TRPC7: variants seen among roughly 807,000 people sequenced by gnomAD.
TRPC7 encodes the protein short transient receptor potential channel 7.
Under a neutral mutation model 90.1 loss-of-function variants are expected in TRPC7, and 42 were observed. That is an observed-to-expected ratio of 0.47 (90% CI 0.36 to 0.60). The LOEUF (loss-of-function observed/expected upper bound fraction) is 0.60. Among genes scored for constraint, TRPC7 ranks in the 20% least tolerant of loss-of-function variants. The pLI, the probability that TRPC7 is intolerant of heterozygous loss-of-function variation, is 0.00. For missense variants in TRPC7, 955 were observed against 1,112.3 expected (o/e 0.86, Z 2.01); for synonymous variants, 451 against 436.3 (o/e 1.03, Z -0.42).
At chr5:136,261,301 T>C (rs1756850934) in intron 5 of TRPC7, among the ~76,000 whole-genome samples, 1 of 152,240 alleles carries the variant, frequency 6.6e-6, no homozygotes, top group South Asian at 2.1e-4. Context: ...ATGTATAATA[T>C]AGTGCCTAAT....
At chr5:136,250,987 G>A (rs1044574542) in intron 6 of TRPC7, among the ~76,000 whole-genome samples, 1 of 152,240 alleles carries the variant, frequency 6.6e-6, no homozygotes, top group South Asian at 2.1e-4. Context: ...TTAAAATAGG[G>A]ACAAAAGAAG....
At chr5:136,357,678 T>G (rs1323864223) in intron 1 of TRPC7, among the ~76,000 whole-genome samples, 1 of 152,092 alleles carries the variant, frequency 6.6e-6, no homozygotes, top group Non-Finnish European at 1.5e-5. Flanking sequence ...AGATGGAGGC[T>G]GGGGCGTAGG....
At chr5:136,227,880 C>T (rs897653727) in intron 8 of TRPC7, among the ~76,000 whole-genome samples, 6 of 152,184 alleles carry the variant, frequency 3.9e-5, no homozygotes, top group Admixed American at 6.5e-5. Flanking sequence ...ATAGATGACA[C>T]GGAACAGTGC....
chr5:136,214,611 T>C (rs1298812608), intron 11 of TRPC7, among the ~76,000 whole-genome samples: 1 of 152,174 alleles, frequency 6.6e-6, no homozygotes, highest in Non-Finnish European at 1.5e-5. Flanking sequence ...ATCAGTTACA[T>C]ACTGCTTGAG....
chr5:136,275,959 T>A (rs1757352762), intron 3 of TRPC7, among the ~76,000 whole-genome samples: 1 of 152,196 alleles, frequency 6.6e-6, no homozygotes, highest in African/African-American at 2.4e-5. Flanking sequence ...CCAGCTCCAC[T>A]CTACCCATGT....
intron 3 of TRPC7, among the ~76,000 whole-genome samples, chr5:136,282,632 T>C (rs1757582881): frequency 6.6e-6 from 1 of 152,244 alleles, no homozygotes; most frequent in East Asian, 1.9e-4. Flanking sequence ...AACCTTTGAA[T>C]TCTTAAAGTT....
At chr5:136,228,071 G>A (rs1384677123) in intron 8 of TRPC7, among the ~76,000 whole-genome samples, 1 of 152,202 alleles carries the variant, frequency 6.6e-6, no homozygotes, top group Non-Finnish European at 1.5e-5. Flanking sequence ...GGCCGATGAT[G>A]TGAACCCAGC....
At chr5:136,308,454 T>G (rs532312669) in intron 3 of TRPC7, among the ~76,000 whole-genome samples, 1 of 152,358 alleles carries the variant, frequency 6.6e-6, no homozygotes, top group South Asian at 2.1e-4. Flanking sequence ...TCTGAGCATC[T>G]GTTAAAACGA....
chr5:136,305,299 A>G (rs911749069), intron 3 of TRPC7, among the ~76,000 whole-genome samples: 31 of 152,034 alleles, frequency 2.0e-4, no homozygotes, highest in Admixed American at 9.2e-4. Flanking sequence ...TATTGATGGC[A>G]GTTCCACCAG....
chr5:136,336,806 C>T (rs796599368), intron 2 of TRPC7, among the ~76,000 whole-genome samples: 4 of 152,106 alleles, frequency 2.6e-5, no homozygotes, highest in African/African-American at 9.7e-5. Context: ...ATGATGGTTT[C>T]CAGCTACATC....
intron 5 of TRPC7, among the ~76,000 whole-genome samples, chr5:136,258,012 G>C (rs1052282200): frequency 1.3e-5 from 2 of 152,182 alleles, no homozygotes; most frequent in African/African-American, 4.8e-5. Flanking sequence ...TTGATTTGCT[G>C]TGGGTCTTAG....
rs761905876 is a variant in TRPC7 at position 136,302,321 on chromosome 5, C to T, written c.963+13276G>A. Among the ~76,000 whole-genome samples, 16 of 152,258 alleles carry T rather than the reference C, an allele frequency of 1.1e-4. No homozygotes were observed. In the Middle Eastern group the frequency reaches 0.014, roughly 129 times the overall value. ...TTCTGGGGGAGGGGAAAGTACCCCT[C>T]AATCCCTTCTTCACCCTTAGGGGCA... is the stretch of plus-strand genomic sequence containing the variant. On this transcript the variant is annotated intron_variant, in intron 3 of 11. Transcript: ENST00000513104.
intron 5 of TRPC7, among the ~76,000 whole-genome samples, chr5:136,263,408 C>T (rs981681385): frequency 2.6e-5 from 4 of 152,128 alleles, no homozygotes; most frequent in East Asian, 1.9e-4. Flanking sequence ...TGCGGAGTGC[C>T]CATCATTCAA....
chr5:136,238,954 T>G (rs1756075181), intron 7 of TRPC7, among the ~76,000 whole-genome samples: 1 of 152,182 alleles, frequency 6.6e-6, no homozygotes. Context: ...GACCTTATAT[T>G]AGACCCAAAT....
chr5:136,305,072 G>A (rs1461279628), intron 3 of TRPC7, among the ~76,000 whole-genome samples: 3 of 152,020 alleles, frequency 2.0e-5, no homozygotes, highest in Non-Finnish European at 4.4e-5. Context: ...CATACCTGAC[G>A]CATATACTTT....
intron 7 of TRPC7, among the ~76,000 whole-genome samples, chr5:136,241,959 C>T (rs1756183635): frequency 6.6e-6 from 1 of 152,058 alleles, no homozygotes; most frequent in Admixed American, 6.5e-5. Context: ...GCTGGGACCC[C>T]AAGAGTTCCA....
At chr5:136,219,653 C>A (rs1304027950) in intron 10 of TRPC7, among the ~76,000 whole-genome samples, 2 of 152,196 alleles carry the variant, frequency 1.3e-5, no homozygotes, top group Non-Finnish European at 2.9e-5. Flanking sequence ...GTAGTCCCAG[C>A]TACCTGGCAG....
chr5:136,265,760 C>A (rs1032699358), intron 5 of TRPC7, among the ~76,000 whole-genome samples: 4 of 152,008 alleles, frequency 2.6e-5, no homozygotes, highest in Admixed American at 6.6e-5. Flanking sequence ...AAATGTTACT[C>A]CCGTGAATTT....
chr5:136,357,173 T>C lies in TRPC7; in HGVS notation c.215A>G (p.Asn72Ser), dbSNP rs368673916. ...GTTCTGCCCCATGTAGTCCACACAG[T>C]TGAAGTTAAGGGTCTTGGACTCCTC... ...MLEESKTLNFNCVDYMGQNAL... is the reference protein window; with the variant it reads ...MLEESKTLNFSCVDYMGQNAL... The change falls in exon 2 of 12, where the codon AAC (asparagine) becomes AGC (serine). Residue 72 changes from asparagine to serine, a missense_variant. Physicochemically the swap from Asn to Ser is conservative, Grantham distance 46. Around this residue, in one of 4 missense-constraint regions of TRPC7, gnomAD observed 161 missense variants for 145.7 expected, o/e 1.10. Coordinates refer to ENST00000513104, the MANE Select transcript of TRPC7 (RefSeq NM_020389.3). 7 of 1,613,886 alleles carry C rather than the reference T, an allele frequency of 4.3e-6. No individual in the cohort carries two copies. Among genetic ancestry groups the C allele is most frequent in the African/African-American group, 1.3e-5 (1 of 74,918 alleles).
Sources: allele counts gnomAD v4.1 joint callset (sites outside exome capture counted in the v4.1 genomes callset), GRCh38; gene constraint gnomAD v4.1.1; regional missense constraint gnomAD v4.1.1; transcripts MANE v1.5; gene names NCBI Gene and HGNC (gene_info 2026-07-23, HGNC 2026-07-21).